UBE4B: variants seen among roughly 807,000 people sequenced by gnomAD.
The protein encoded by UBE4B is ubiquitin conjugation factor E4 B.
Under a neutral mutation model 148.1 loss-of-function variants are expected in UBE4B, and 27 were observed. The observed-to-expected ratio is 0.18, with a 90% CI of 0.13 to 0.25. The LOEUF is 0.25. Ranked by LOEUF, UBE4B falls within the 10% of genes least tolerant of loss-of-function variation. The pLI is 1.00. For missense variants in UBE4B, 1,170 were observed against 1,662.4 expected, an observed-to-expected ratio of 0.70 and a Z score of 5.15; for synonymous variants, 596 against 619.3, an observed-to-expected ratio of 0.96 and a Z score of 0.56.
At chr1:10,126,927 C>T in intron 11 of UBE4B, 50 bp downstream of exon 11, 1 of 1,487,946 alleles carries the variant, frequency 6.7e-7, no homozygotes, top group Non-Finnish European at 9.3e-7. Flanking sequence ...GTTTTTCTTT[C>T]AGATTATTTT....
At chr1:10,134,959 A>C (rs754926667) in intron 15 of UBE4B, 29 bp from the exon 16 acceptor site, 3 of 1,605,816 alleles carry the variant, frequency 1.9e-6, no homozygotes, top group Non-Finnish European at 2.6e-6. Context: ...TTAATGTTTA[A>C]AAATACTTTT....
chr1:10,122,315 C>T (rs1329530674), intron 10 of UBE4B, among the ~76,000 whole-genome samples: 3 of 151,994 alleles, frequency 2.0e-5, no homozygotes, highest in Non-Finnish European at 4.4e-5. Flanking sequence ...CTAGGTGCTT[C>T]GGGCAATATG....
intron 19 of UBE4B, 127 bp downstream of exon 19, chr1:10,147,217 G>A (rs754879116): frequency 1.2e-5 from 17 of 1,451,750 alleles, no homozygotes; most frequent in East Asian, 2.3e-5. Flanking sequence ...TCTGCAAGGC[G>A]CAGTGGTTCA....
chr1:10,157,993 C>T (rs938098888), intron 21 of UBE4B, among the ~76,000 whole-genome samples: 8 of 152,090 alleles, frequency 5.3e-5, no homozygotes, highest in South Asian at 2.1e-4. Context: ...ACTTTTTATC[C>T]GCTGAAGTAT....
At chr1:10,132,519 A>T (rs369019073) in intron 15 of UBE4B, 37 bp downstream of exon 15, 5 of 1,579,686 alleles carry the variant, frequency 3.2e-6, no homozygotes, top group Non-Finnish European at 3.5e-6. Context: ...CTGTTTGTCA[A>T]ATTCATTCAT....
chr1:10,121,969 C>T lies in UBE4B; in HGVS notation c.1447C>T (p.Gln483Ter), dbSNP rs1169056154. The T allele has an allele frequency of 6.2e-7, 1 of 1,611,546 alleles. No homozygotes were observed. Among genetic ancestry groups the T allele is most frequent in the Non-Finnish European group, 8.5e-7 (1 of 1,178,532 alleles). The change falls in exon 10 of 28, where the codon CAG becomes TAG. Residue 483 changes from glutamine to a stop codon, truncating the protein, a stop_gained. Transcript: ENST00000343090. LOFTEE classifies it high-confidence loss of function. The part of the protein sequence containing the change: ...QGSLTQPRSL[Q>*]QPSFLVPYML... Reference sequence around the variant, plus strand: ...ATGTTCATGGGTCCACAGGTCCTTGCAGCAGCCGTCCTTCCTAGTGCCGTA... The same window carrying T: ...ATGTTCATGGGTCCACAGGTCCTTGTAGCAGCCGTCCTTCCTAGTGCCGTA...
chr1:10,140,955 T>C (rs958964286), intron 17 of UBE4B, among the ~76,000 whole-genome samples: 1 of 152,182 alleles, frequency 6.6e-6, no homozygotes, highest in Non-Finnish European at 1.5e-5. Flanking sequence ...AACTAGTTGG[T>C]TGCATAATAT....
At chr1:10,175,593 G>C (rs971693560) in intron 25 of UBE4B, among the ~76,000 whole-genome samples, 3 of 152,108 alleles carry the variant, frequency 2.0e-5, no homozygotes, top group Non-Finnish European at 4.4e-5. Context: ...GGAGCTTGCA[G>C]TGAGCCGAGA....
At chr1:10,088,663 G>C (rs184369454) in intron 2 of UBE4B, among the ~76,000 whole-genome samples, 1 of 148,976 alleles carries the variant, frequency 6.7e-6, no homozygotes, top group African/African-American at 2.5e-5. Context: ...GAGCCACCAC[G>C]CCTGACCGTA....
At chr1:10,107,770 G>T (rs1161564412) in intron 7 of UBE4B, among the ~76,000 whole-genome samples, 1 of 151,878 alleles carries the variant, frequency 6.6e-6, no homozygotes, top group East Asian at 1.9e-4. Flanking sequence ...TAGAGACAGG[G>T]TTTTGCCAGG....
intron 2 of UBE4B, among the ~76,000 whole-genome samples, chr1:10,076,030 C>A (rs1182459266): frequency 1.3e-5 from 2 of 152,066 alleles, no homozygotes; most frequent in Non-Finnish European, 2.9e-5. Flanking sequence ...GGCAACAGAG[C>A]AAGACCCTGT....
intron 5 of UBE4B, among the ~76,000 whole-genome samples, chr1:10,103,869 G>A (rs923873703): frequency 5.9e-5 from 9 of 151,986 alleles, no homozygotes; most frequent in African/African-American, 1.7e-4. Context: ...CTCGTGATCC[G>A]CCCGCCTTGG....
In UBE4B at chr1:10,117,594, A is replaced by C. The variant is rs1180765928; in HGVS notation, c.1332A>C (p.Ala444=). 1.9e-6 allele frequency: 3 copies of C among 1,576,150 alleles called. No homozygotes were observed. Among genetic ancestry groups the C allele is most frequent in the South Asian group, 2.4e-5 (2 of 84,120 alleles). Residue 444 remains alanine, a synonymous_variant, in exon 8 of 28, where the codon GCA becomes GCC. Transcript: ENST00000343090. ...GAGTTGGAATAGAGGAAAAAAAAGC[A>C]CCAAAGGTAATATGAAATGGATTAA... ...FDRVGIEEKK[A]PKMCSQPAVS...
chr1:10,137,262 G>A, intron 17 of UBE4B, 57 bp downstream of exon 17: 2 of 1,605,344 alleles, frequency 1.2e-6, no homozygotes, highest in Non-Finnish European at 1.7e-6. Context: ...TTTCTCAGGG[G>A]CAGGCAATTC....
intron 26 of UBE4B, chr1:10,179,214 G>A (rs1022953803): frequency 1.1e-5 from 7 of 614,188 alleles, no homozygotes; most frequent in Non-Finnish European, 1.9e-5. Context: ...AGCAGTAGCT[G>A]ACAAAGAAGC....
At chr1:10,067,645 T>A (rs550558000) in intron 1 of UBE4B, among the ~76,000 whole-genome samples, 76 of 151,392 alleles carry the variant, frequency 5.0e-4, no homozygotes, top group Non-Finnish European at 1.0e-3. Flanking sequence ...GAGACCCGGC[T>A]CTCACCGGGT....
At chr1:10,153,429 G>T (rs1646010700) in intron 21 of UBE4B, among the ~76,000 whole-genome samples, 1 of 144,594 alleles carries the variant, frequency 6.9e-6, no homozygotes. Flanking sequence ...GTTCAAGGCT[G>T]CAGTGAGCTA....
At chr1:10,125,577 A>G (rs951034645) in intron 10 of UBE4B, among the ~76,000 whole-genome samples, 2 of 152,230 alleles carry the variant, frequency 1.3e-5, no homozygotes, top group African/African-American at 4.8e-5. Context: ...GAATTTTTCA[A>G]GTTTTCTAGT....
At position 10,105,713 on chromosome 1, in the gene UBE4B, G is replaced by A. The variant is rs150442851; in HGVS notation, c.778G>A (p.Val260Met). 1.3e-3 allele frequency: 2,034 copies of A among 1,614,038 alleles called. 21 individuals are homozygous for A. The South Asian group carries it at 0.015, about 12-fold the overall frequency. Reference sequence around the variant, plus strand: ...AGGAACAAGCCCCATGTTCTGCAGCGTGGCTTCCTTTGGTGCCAGCTCTTT... The same window carrying A: ...AGGAACAAGCCCCATGTTCTGCAGCATGGCTTCCTTTGGTGCCAGCTCTTT... ...NPGTSPMFCS[V>M]ASFGASSLSS... Residue 260 changes from valine (V) to methionine (M), a missense_variant, in exon 6 of 28, where the codon GTG becomes ATG. Physicochemically the swap from Val to Met is conservative, Grantham distance 21. Transcript: ENST00000343090.
Sources: gnomAD v4.1 joint callset for allele counts (sites outside exome capture counted in the v4.1 genomes callset) on GRCh38, gnomAD v4.1.1 for gene constraint, MANE v1.5 for transcripts, NCBI Gene and HGNC (gene_info 2026-07-23, HGNC 2026-07-21) for gene names.